The following DOCK1 variants were observed in gnomAD, a reference collection of about 807,000 sequenced individuals.
DOCK1 encodes dedicator of cytokinesis 1.
Under a neutral mutation model 262.7 loss-of-function variants are expected in DOCK1, and 138 were observed. That is an observed-to-expected ratio of 0.53 (90% CI 0.46 to 0.61). The LOEUF (loss-of-function observed/expected upper bound fraction) is 0.61. Among genes scored for constraint, DOCK1 ranks in the 20% least tolerant of loss-of-function variants. DOCK1 has a pLI of 0.00. For missense variants in DOCK1, 1,908 were observed against 2,370.7 expected, an observed-to-expected ratio of 0.80 and a Z score of 4.05; for synonymous variants, 866 against 867.4, an observed-to-expected ratio of 1.00 and a Z score of 0.03.
intron 1 of DOCK1, among the ~76,000 whole-genome samples, chr10:126,925,455 C>T (rs2033620678): frequency 6.6e-6 from 1 of 152,204 alleles, no homozygotes; most frequent in Non-Finnish European, 1.5e-5. Flanking sequence ...ACGATCTCAG[C>T]TCACTGCAAA....
intron 29 of DOCK1, among the ~76,000 whole-genome samples, chr10:127,287,531 C>CA (rs2061202441): frequency 6.6e-6 from 1 of 152,012 alleles, no homozygotes; most frequent in Non-Finnish European, 1.5e-5. Context: ...AATGTTTGTT[C>CA]AAGTTCTGTA....
chr10:127,157,015 A>G (rs77373106), intron 27 of DOCK1, among the ~76,000 whole-genome samples: 2,329 of 152,364 alleles, frequency 0.015, 28 homozygotes, highest in Non-Finnish European at 0.024. Context: ...TACAGGAGAC[A>G]TTTGCGAATA....
At chr10:127,279,549 A>G (rs2060868050) in intron 29 of DOCK1, among the ~76,000 whole-genome samples, 1 of 152,236 alleles carries the variant, frequency 6.6e-6, no homozygotes, top group Non-Finnish European at 1.5e-5. Context: ...TTCTGTACCA[A>G]TTGTAACCCT....
intron 32 of DOCK1, among the ~76,000 whole-genome samples, chr10:127,355,640 C>A (rs1038825077): frequency 9.2e-5 from 14 of 152,206 alleles, no homozygotes; most frequent in Admixed American, 6.5e-4. Context: ...CCCTCTACCT[C>A]AGAGAATCTT....
intron 29 of DOCK1, among the ~76,000 whole-genome samples, chr10:127,283,576 A>C (rs961846728): frequency 6.6e-6 from 1 of 152,250 alleles, no homozygotes; most frequent in Non-Finnish European, 1.5e-5. Context: ...AACTCTTCCC[A>C]GTTTGGTTTT....
At chr10:127,202,571 A>G (rs1444556673) in intron 27 of DOCK1, among the ~76,000 whole-genome samples, 1 of 152,146 alleles carries the variant, frequency 6.6e-6, no homozygotes, top group Non-Finnish European at 1.5e-5. Context: ...GGCATGGAAG[A>G]GGGATGGGGT....
intron 18 of DOCK1, among the ~76,000 whole-genome samples, chr10:127,033,321 G>A (rs1564749060): frequency 2.6e-5 from 4 of 152,280 alleles, no homozygotes; most frequent in Middle Eastern, 3.4e-3. Flanking sequence ...AGCTGGTGCC[G>A]TGCCCTTGTG....
chr10:127,150,478 G>A (rs1322384655), intron 27 of DOCK1, among the ~76,000 whole-genome samples: 1 of 152,198 alleles, frequency 6.6e-6, no homozygotes, highest in Non-Finnish European at 1.5e-5. Context: ...TGATGTGCTA[G>A]ATTAACCATA....
chr10:127,314,279 TA>T (rs1404165626), intron 29 of DOCK1, among the ~76,000 whole-genome samples: 32 of 152,306 alleles, frequency 2.1e-4, no homozygotes, highest in African/African-American at 7.0e-4. Flanking sequence ...TGTGTGTTTA[TA>T]AGTATGATTT....
At chr10:127,402,997 G>T in intron 38 of DOCK1, 58 bp from the exon 39 acceptor site, 1 of 1,456,546 alleles carries the variant, frequency 6.9e-7, no homozygotes, top group East Asian at 2.4e-5. Context: ...ATTCCTGTTT[G>T]ACTCTTTGCA....
intron 27 of DOCK1, among the ~76,000 whole-genome samples, chr10:127,234,145 G>A (rs1286614403): frequency 6.6e-6 from 1 of 152,160 alleles, no homozygotes; most frequent in African/African-American, 2.4e-5. Flanking sequence ...GGCGCTTGCT[G>A]TCATTATTAT....
At chr10:126,906,020 G>A (rs61875473) in intron 1 of DOCK1, among the ~76,000 whole-genome samples, 12,555 of 152,168 alleles carry the variant, frequency 0.083, 679 homozygotes, top group Non-Finnish European at 0.12. Context: ...GGGTGGGCGG[G>A]CTCAGGTCGG....
chr10:127,245,114 A>G (rs544235254), intron 27 of DOCK1, among the ~76,000 whole-genome samples: 1 of 152,352 alleles, frequency 6.6e-6, no homozygotes, highest in East Asian at 1.9e-4. Flanking sequence ...CATGGAAACC[A>G]TAAGGCTTCA....
At chr10:127,029,966 CAG>C (rs933622561) in intron 16 of DOCK1, among the ~76,000 whole-genome samples, 1 of 152,108 alleles carries the variant, frequency 6.6e-6, no homozygotes, top group African/African-American at 2.4e-5. Flanking sequence ...TGCCCTTTTA[CAG>C]AGTTATTTTT....
intron 26 of DOCK1, among the ~76,000 whole-genome samples, chr10:127,126,742 C>A (rs1014473631): frequency 1.3e-5 from 2 of 152,128 alleles, no homozygotes; most frequent in Non-Finnish European, 2.9e-5. Context: ...GCCCCTAGCC[C>A]TGGACAGAGT....
intron 38 of DOCK1, among the ~76,000 whole-genome samples, chr10:127,388,543 G>T (rs773847758): frequency 6.6e-6 from 1 of 152,184 alleles, no homozygotes; most frequent in African/African-American, 2.4e-5. Flanking sequence ...TTCATCTTCC[G>T]TAACAATCTG....
intron 27 of DOCK1, among the ~76,000 whole-genome samples, chr10:127,178,844 A>C (rs776027472): frequency 1.3e-5 from 2 of 152,156 alleles, no homozygotes; most frequent in South Asian, 2.1e-4. Context: ...TGGCTTTTAG[A>C]GATTCTTATC....
chr10:126,963,774 C>T (rs1299049752), intron 1 of DOCK1, among the ~76,000 whole-genome samples: 1 of 151,624 alleles, frequency 6.6e-6, no homozygotes, highest in Non-Finnish European at 1.5e-5. Flanking sequence ...GAGAGGCTCA[C>T]AGTCAAGTGG....
intron 27 of DOCK1, among the ~76,000 whole-genome samples, chr10:127,218,177 A>G (rs1025761262): frequency 6.6e-6 from 1 of 152,260 alleles, no homozygotes; most frequent in African/African-American, 2.4e-5. Flanking sequence ...GAATACAGAT[A>G]TTTATAGAAA....
Sources: gnomAD v4.1 joint callset for allele counts (sites outside exome capture counted in the v4.1 genomes callset) on GRCh38, gnomAD v4.1.1 for gene constraint, MANE v1.5 for transcripts, NCBI Gene and HGNC (gene_info 2026-07-23, HGNC 2026-07-21) for gene names.